Variants in FRMD4B observed in about 807,000 individuals in gnomAD.
FRMD4B encodes the protein FERM domain-containing protein 4B.
Under a neutral mutation model 141.5 loss-of-function variants are expected in FRMD4B, and 74 were observed. That is an observed-to-expected ratio of 0.52 (90% confidence interval 0.43 to 0.63). The LOEUF (loss-of-function observed/expected upper bound fraction) is 0.63. Among genes scored for constraint, FRMD4B ranks in the 30% least tolerant of loss-of-function variants. The pLI, the probability that FRMD4B is intolerant of heterozygous loss-of-function variation, is 0.00. For missense variants in FRMD4B, 1,366 were observed against 1,253.4 expected (o/e 1.09, Z -1.36); for synonymous variants, 506 against 467.9 (o/e 1.08, Z -1.05).
At chr3:69,190,147 C>T (rs967621524) in intron 17 of FRMD4B, among the ~76,000 whole-genome samples, 195 bp from the exon 18 acceptor site, 2 of 152,076 alleles carry the variant, frequency 1.3e-5, no homozygotes, top group South Asian at 2.1e-4. Flanking sequence ...ACATATTGTA[C>T]GAATATCACA....
rs781700203 is a variant in FRMD4B at position 69,193,720 on chromosome 3, T to G, written c.1642A>C (p.Ile548Leu). ...YTDAMKKLQE[I>L]ENAINEYRIR... ...CGGTATTCGTTTATTGCATTTTCAA[T>G]CTCCTGAAGCTTTTTCATCGCATCT... Residue 548 changes from isoleucine (I) to leucine (L), a missense_variant, in exon 17 of 23, where the codon ATT becomes CTT. By Grantham distance (5) the Ile-to-Leu change is conservative. Coordinates refer to ENST00000398540, the MANE Select transcript of FRMD4B (RefSeq NM_015123.3). 6.2e-7 allele frequency: 1 copy of G among 1,613,866 alleles called. No individual in the cohort carries two copies.
chr3:69,269,891 A>C (rs757191634), intron 5 of FRMD4B, among the ~76,000 whole-genome samples: 29 of 152,378 alleles, frequency 1.9e-4, no homozygotes, highest in Middle Eastern at 6.8e-3. Context: ...AAGTGCTGGG[A>C]TTACAGGCGT....
intron 1 of FRMD4B, among the ~76,000 whole-genome samples, chr3:69,535,447 T>C (rs13073523): frequency 0.3 from 46,175 of 152,174 alleles, 7,351 homozygotes; most frequent in African/African-American, 0.37. Flanking sequence ...TTGGTAACCA[T>C]GTGCTGCTAT....
intron 1 of FRMD4B, among the ~76,000 whole-genome samples, chr3:69,523,352 AT>A (rs2107136069): frequency 6.6e-6 from 1 of 152,276 alleles, no homozygotes; most frequent in South Asian, 2.1e-4. Context: ...GTTAAGGCCC[AT>A]TCACACGCAT....
At chr3:69,444,832 T>C (rs1705387959) in intron 1 of FRMD4B, among the ~76,000 whole-genome samples, 1 of 152,162 alleles carries the variant, frequency 6.6e-6, no homozygotes, top group Non-Finnish European at 1.5e-5. Context: ...TTTTCAAACT[T>C]GTTTTAATAG....
chr3:69,327,012 A>G (rs1337010589), intron 1 of FRMD4B, among the ~76,000 whole-genome samples: 2 of 152,316 alleles, frequency 1.3e-5, no homozygotes, highest in South Asian at 2.1e-4. Context: ...AAACAGGAAA[A>G]GTCACAAAAA....
rs145742998 is a variant in FRMD4B at position 69,529,396 on chromosome 3, T to A, written c.-129+12810A>T. On this transcript the variant is annotated intron_variant, in intron 1 of 5. Transcript: ENST00000459638. ...TTGCACCCACTACTCTAGTTTAACA[T>A]CCTTATTTTATAGATAAGGAGACCA... is the stretch of plus-strand genomic sequence containing the variant. 6.7e-3 allele frequency among the ~76,000 whole-genome samples: 1,024 copies of A among 152,258 alleles called. 10 individuals carry two copies. The highest frequency in any genetic ancestry group is 0.023 in the African/African-American group (971 of 41,540).
intron 5 of FRMD4B, among the ~76,000 whole-genome samples, chr3:69,287,048 C>A (rs951589024): frequency 6.6e-6 from 1 of 152,158 alleles, no homozygotes; most frequent in Non-Finnish European, 1.5e-5. Flanking sequence ...CGTGATCCAC[C>A]TGTCTTGGCC....
At chr3:69,482,066 C>T (rs1036473229) in intron 1 of FRMD4B, among the ~76,000 whole-genome samples, 1 of 152,180 alleles carries the variant, frequency 6.6e-6, no homozygotes, top group Non-Finnish European at 1.5e-5. Flanking sequence ...CTTTCAAAAG[C>T]TGAAATTCTG....
At chr3:69,246,143 G>A (rs142612910) in intron 7 of FRMD4B, among the ~76,000 whole-genome samples, 139 of 152,194 alleles carry the variant, frequency 9.1e-4, no homozygotes, top group Admixed American at 3.3e-3. Context: ...GGCACCCGGC[G>A]CCTGATTTTC....
chr3:69,181,582 G>A lies in FRMD4B; in HGVS notation c.2168C>T (p.Thr723Ile), dbSNP rs2092708859. 2.5e-6 allele frequency: 4 copies of A among 1,613,864 alleles called. No homozygotes were observed. Among genetic ancestry groups the A allele is most frequent in the Non-Finnish European group, 3.4e-6 (4 of 1,179,804 alleles). ...AGAAGACCCGTCATCGAGGATTTCT[G>A]TGCTGCTGCTTCTTTGGGATTTGGA... ...SLSKSQRSSS[T>I]EILDDGSSYT... The change falls in exon 21 of 23, where the codon ACA (threonine) becomes ATA (isoleucine). Residue 723 changes from threonine to isoleucine, a missense_variant. Thr to Ile is a moderately conservative substitution (Grantham distance 89). Transcript: ENST00000398540.
At chr3:69,467,678 T>C (rs1705815649) in intron 1 of FRMD4B, among the ~76,000 whole-genome samples, 1 of 152,202 alleles carries the variant, frequency 6.6e-6, no homozygotes, top group Non-Finnish European at 1.5e-5. Context: ...ATCACAACCA[T>C]AGTGTCTCAG....
chr3:69,499,775 T>C (rs1706462256), intron 1 of FRMD4B, among the ~76,000 whole-genome samples: 1 of 152,200 alleles, frequency 6.6e-6, no homozygotes, highest in Non-Finnish European at 1.5e-5. Flanking sequence ...CTGGTGTTAA[T>C]AGCTGTGGCC....
intron 21 of FRMD4B, among the ~76,000 whole-genome samples, chr3:69,179,690 G>T (rs1256900955): frequency 6.6e-6 from 1 of 152,158 alleles, no homozygotes; most frequent in East Asian, 1.9e-4. Flanking sequence ...TCTCACTAAG[G>T]TGTCATGTTA....
chr3:69,459,672 G>T (rs897998005), intron 1 of FRMD4B, among the ~76,000 whole-genome samples: 1 of 152,164 alleles, frequency 6.6e-6, no homozygotes, highest in African/African-American at 2.4e-5. Context: ...ACCAATCCCT[G>T]CCTCGGTTTT....
At chr3:69,347,564 T>C (rs941152683) in intron 1 of FRMD4B, among the ~76,000 whole-genome samples, 2 of 152,182 alleles carry the variant, frequency 1.3e-5, no homozygotes, top group African/African-American at 4.8e-5. Context: ...TATTCCAAAA[T>C]TGACCACATA....
At chr3:69,226,169 T>G (rs1300469892) in intron 7 of FRMD4B, among the ~76,000 whole-genome samples, 2 of 152,228 alleles carry the variant, frequency 1.3e-5, no homozygotes, top group Non-Finnish European at 2.9e-5. Context: ...GTGAAAGATC[T>G]AGCTTTCCAA....
chr3:69,225,309 A>G lies in FRMD4B; in HGVS notation c.582-619T>C, dbSNP rs530995326. Among the ~76,000 whole-genome samples, 11 of 152,200 alleles carry G rather than the reference A, an allele frequency of 7.2e-5. No homozygotes were observed. The East Asian group carries it at 1.9e-3, about 27-fold the overall frequency. On this transcript the variant is annotated intron_variant, in intron 7 of 22. Transcript: ENST00000398540. ...ACTAAAATGTACCTCATGTAAGGTT[A>G]GCTATTATCTAATTATAAAATGGCA...
chr3:69,224,590 A>T lies in FRMD4B; in HGVS notation c.665+17T>A, dbSNP rs1169491848. On this transcript the variant is annotated intron_variant, in intron 8 of 22. Coordinates refer to ENST00000398540, the MANE Select transcript of FRMD4B (RefSeq NM_015123.3). ...AGGCTATGAAAATGAGACACCTGTTATGTGGATTTGGCTTACCAGTAGGCA... is the reference window on the plus strand; with the variant it reads ...AGGCTATGAAAATGAGACACCTGTTTTGTGGATTTGGCTTACCAGTAGGCA... The T allele has an allele frequency of 2.4e-6, 3 of 1,255,340 alleles. No homozygotes were observed. The highest frequency in any genetic ancestry group is 2.3e-5 in the East Asian group (1 of 42,828). The allele number at this position is 1,255,340 out of a possible 1,614,324, so 77.8% of individuals were successfully genotyped here.
Sources: gnomAD v4.1 joint callset for allele counts (sites outside exome capture counted in the v4.1 genomes callset) on GRCh38, gnomAD v4.1.1 for gene constraint, MANE v1.5 for transcripts, NCBI Gene and HGNC (gene_info 2026-07-23, HGNC 2026-07-21) for gene names.